ENOX1: variants seen among roughly 807,000 people sequenced by gnomAD.
ENOX1 encodes the protein candidate growth-related and time keeping constitutive hydroquinone (NADH) oxidase.
A neutral mutation model predicts 82.5 loss-of-function variants in ENOX1; 42 were observed. The ratio of observed to expected loss-of-function variants is 0.51; its 90% CI spans 0.40 to 0.66. The LOEUF (loss-of-function observed/expected upper bound fraction) is 0.66. ENOX1 is among the 30% of genes least tolerant of loss of function. The pLI, the probability that ENOX1 is intolerant of heterozygous loss-of-function variation, is 0.00. For synonymous variants in ENOX1, 271 were observed against 282.2 expected (o/e 0.96, Z 0.40); for missense variants, 608 against 811.6 (o/e 0.75, Z 3.05).
intron 5 of ENOX1, among the ~76,000 whole-genome samples, chr13:43,402,235 T>C (rs1329554611): frequency 2.0e-5 from 3 of 152,102 alleles, no homozygotes; most frequent in East Asian, 3.8e-4. Flanking sequence ...TCTGAAAATA[T>C]AATGCTCAAT....
At chr13:43,772,387 G>A (rs73189985) in intron 1 of ENOX1, among the ~76,000 whole-genome samples, 23,483 of 152,050 alleles carry the variant, frequency 0.15, 2,154 homozygotes, top group East Asian at 0.32. Flanking sequence ...TTACAAGCAT[G>A]CACTAGGTTA....
intron 15 of ENOX1, among the ~76,000 whole-genome samples, chr13:43,232,507 C>T (rs1200784194): frequency 6.6e-6 from 1 of 152,110 alleles, no homozygotes; most frequent in Non-Finnish European, 1.5e-5. Flanking sequence ...ATTGCTTAAC[C>T]TTCTTTAAAA....
intron 3 of ENOX1, among the ~76,000 whole-genome samples, chr13:43,439,231 T>G: frequency 6.6e-6 from 1 of 151,644 alleles, no homozygotes; most frequent in African/African-American, 2.4e-5. Flanking sequence ...TTTTGTATTT[T>G]TTTTTTCACT....
At chr13:43,311,488 G>C (rs1165493079) in intron 11 of ENOX1, among the ~76,000 whole-genome samples, 1 of 151,990 alleles carries the variant, frequency 6.6e-6, no homozygotes, top group African/African-American at 2.4e-5. Flanking sequence ...ACAATGTAGT[G>C]GGCTGGGCAT....
chr13:43,746,831 A>G (rs1319677635), intron 1 of ENOX1, among the ~76,000 whole-genome samples: 8 of 152,186 alleles, frequency 5.3e-5, no homozygotes, highest in Non-Finnish European at 1.2e-4. Context: ...GCTCAAAGTC[A>G]TCTGACTCCA....
chr13:43,375,430 G>A (rs2051557989), intron 5 of ENOX1, among the ~76,000 whole-genome samples: 1 of 152,164 alleles, frequency 6.6e-6, no homozygotes, highest in African/African-American at 2.4e-5. Flanking sequence ...GTCCTTCTGA[G>A]ATATTTGCTC....
chr13:43,620,264 T>G (rs918441788), intron 2 of ENOX1, among the ~76,000 whole-genome samples: 1 of 152,118 alleles, frequency 6.6e-6, no homozygotes, highest in African/African-American at 2.4e-5. Context: ...GCTCTGATCT[T>G]GGTTATTTCC....
At chr13:43,675,316 C>T (rs2085457224) in intron 1 of ENOX1, among the ~76,000 whole-genome samples, 1 of 152,132 alleles carries the variant, frequency 6.6e-6, no homozygotes, top group South Asian at 2.1e-4. Flanking sequence ...AAGATGATTT[C>T]TGAATGAGAG....
chr13:43,746,040 A>T (rs28660503), intron 1 of ENOX1, among the ~76,000 whole-genome samples: 2 of 152,162 alleles, frequency 1.3e-5, no homozygotes, highest in Admixed American at 1.3e-4. Context: ...TTAAAAATTG[A>T]GGTATATCTA....
At chr13:43,389,266 C>T (rs887108729) in intron 5 of ENOX1, among the ~76,000 whole-genome samples, 7 of 152,118 alleles carry the variant, frequency 4.6e-5, no homozygotes, top group African/African-American at 1.4e-4. Flanking sequence ...AAGATACTAA[C>T]TGCAGAGTTA....
chr13:43,352,526 T>C (rs983432231), intron 8 of ENOX1, among the ~76,000 whole-genome samples: 1 of 152,186 alleles, frequency 6.6e-6, no homozygotes, highest in African/African-American at 2.4e-5. Flanking sequence ...CTGTTTCCAA[T>C]AAAGTGTAAT....
intron 8 of ENOX1, among the ~76,000 whole-genome samples, chr13:43,345,225 A>T (rs1401867977): frequency 1.3e-5 from 2 of 152,192 alleles, no homozygotes; most frequent in East Asian, 1.9e-4. Context: ...GGATTTTTTT[A>T]AAAGTGTTTG....
chr13:43,316,635 A>G (rs2153522205), intron 11 of ENOX1, among the ~76,000 whole-genome samples: 1 of 152,310 alleles, frequency 6.6e-6, no homozygotes, highest in East Asian at 1.9e-4. Context: ...TTTACAAAAA[A>G]AAAAAAAATT....
At chr13:43,403,263 T>C (rs1388357601) in intron 5 of ENOX1, among the ~76,000 whole-genome samples, 4 of 152,028 alleles carry the variant, frequency 2.6e-5, no homozygotes, top group Non-Finnish European at 5.9e-5. Flanking sequence ...GTAGTATACA[T>C]AGGATGAAAA....
chr13:43,585,798 C>T (rs1178920453), intron 2 of ENOX1, among the ~76,000 whole-genome samples: 2 of 152,092 alleles, frequency 1.3e-5, no homozygotes, highest in Non-Finnish European at 1.5e-5. Flanking sequence ...AGGCTGGTCT[C>T]GAACTCCTGA....
intron 6 of ENOX1, among the ~76,000 whole-genome samples, chr13:43,360,735 C>T (rs1361991747): frequency 6.6e-6 from 1 of 150,510 alleles, no homozygotes; most frequent in Non-Finnish European, 1.5e-5. Flanking sequence ...AGTCCTAGCT[C>T]TTTTAGCCCA....
chr13:43,763,127 G>A (rs1255385768), intron 1 of ENOX1, among the ~76,000 whole-genome samples: 2 of 152,154 alleles, frequency 1.3e-5, no homozygotes, highest in East Asian at 3.8e-4. Context: ...AAATGTTTCA[G>A]GCAATTACAG....
chr13:43,370,610 T>A (rs2051171861), intron 5 of ENOX1, among the ~76,000 whole-genome samples: 1 of 152,150 alleles, frequency 6.6e-6, no homozygotes, highest in Non-Finnish European at 1.5e-5. Flanking sequence ...GCTTACAGGA[T>A]TCTGGGCATC....
At chr13:43,449,516 TC>T (rs1477949187) in intron 3 of ENOX1, among the ~76,000 whole-genome samples, 1 of 152,210 alleles carries the variant, frequency 6.6e-6, no homozygotes, top group African/African-American at 2.4e-5. Context: ...ATAGAAAGTT[TC>T]CTTTTCTAAT....
Sources: gnomAD v4.1 joint callset for allele counts (sites outside exome capture counted in the v4.1 genomes callset) on GRCh38, gnomAD v4.1.1 for gene constraint, MANE v1.5 for transcripts, NCBI Gene and HGNC (gene_info 2026-07-23, HGNC 2026-07-21) for gene names.